The following WDR19 variants were observed in gnomAD, a reference collection of about 807,000 sequenced individuals.
WDR19 encodes the protein WD repeat-containing protein 19.
WDR19 carries 121 observed loss-of-function variants against 180.0 expected under a neutral mutation model. The ratio of observed to expected loss-of-function variants is 0.67; its 90% confidence interval spans 0.58 to 0.78. WDR19 has a LOEUF of 0.78. Ranked by LOEUF, WDR19 falls within the 30% of genes least tolerant of loss-of-function variation. WDR19 has a pLI of 0.00. For synonymous variants in WDR19, 497 were observed against 540.7 expected, an observed-to-expected ratio of 0.92 and a Z score of 1.12; for missense variants, 1,450 against 1,640.7, an observed-to-expected ratio of 0.88 and a Z score of 2.01.
chr4:39,231,960 AACAGC>A lies in WDR19; in HGVS notation c.2142+6_2142+10del. ...GATGTCCTTGGAACAAATAAAGGTA[AACAGC>A]ATGTTATAGAATTATCAAGTTAAAA... On this transcript the variant is annotated splice_donor_5th_base_variant and intron_variant, in intron 18 of 36. Transcript: ENST00000399820. 1.2e-6 allele frequency: 2 copies of A among 1,610,004 alleles called. No individual in the cohort carries two copies. Among genetic ancestry groups the A allele is most frequent in the Non-Finnish European group, 1.7e-6 (2 of 1,176,624 alleles).
chr4:39,220,892 T>G (rs1033342168), intron 14 of WDR19, among the ~76,000 whole-genome samples: 3 of 137,210 alleles, frequency 2.2e-5, no homozygotes, highest in African/African-American at 8.1e-5. Context: ...TTTTTTTTTT[T>G]TTTGATGGGG....
chr4:39,265,148 G>T (rs992076588), intron 28 of WDR19, among the ~76,000 whole-genome samples: 29 of 151,554 alleles, frequency 1.9e-4, no homozygotes, highest in African/African-American at 7.0e-4. Flanking sequence ...TGAACTCCTG[G>T]CCTCAAGTGA....
intron 3 of WDR19, among the ~76,000 whole-genome samples, chr4:39,188,555 G>A (rs931811267): frequency 1.3e-5 from 2 of 148,882 alleles, no homozygotes; most frequent in African/African-American, 5.0e-5. Context: ...GGAGTGTGAG[G>A]TTATAGCCAA....
intron 24 of WDR19, among the ~76,000 whole-genome samples, chr4:39,247,756 G>A (rs1006475281): frequency 1.3e-5 from 2 of 152,288 alleles, no homozygotes; most frequent in Admixed American, 6.5e-5. Context: ...GGGTATCAGC[G>A]ATGGAAGACG....
intron 6 of WDR19, among the ~76,000 whole-genome samples, chr4:39,202,541 CTG>C (rs763643728): frequency 4.4e-4 from 67 of 152,170 alleles, no homozygotes; most frequent in Non-Finnish European, 8.4e-4. Context: ...GTTGGTGAAA[CTG>C]TAGATAAAAT....
At chr4:39,184,183 G>T (rs1725271012) in intron 1 of WDR19, among the ~76,000 whole-genome samples, 1 of 152,076 alleles carries the variant, frequency 6.6e-6, no homozygotes, top group Admixed American at 6.5e-5. Context: ...GAGGCAGGTG[G>T]ATCACTTGAG....
intron 9 of WDR19, among the ~76,000 whole-genome samples, chr4:39,211,836 C>G (rs1369719898): frequency 6.6e-6 from 1 of 151,976 alleles, no homozygotes; most frequent in Non-Finnish European, 1.5e-5. Flanking sequence ...GATATCAGTT[C>G]CCCCAGGTTG....
intron 4 of WDR19, among the ~76,000 whole-genome samples, chr4:39,192,616 C>T (rs942579756): frequency 6.6e-6 from 1 of 152,098 alleles, no homozygotes; most frequent in African/African-American, 2.4e-5. Flanking sequence ...TGCCCACCAC[C>T]ACGCCCAGCT....
intron 31 of WDR19, among the ~76,000 whole-genome samples, chr4:39,270,478 C>CA (rs1435334510): frequency 6.6e-6 from 1 of 152,158 alleles, no homozygotes; most frequent in Non-Finnish European, 1.5e-5. Context: ...CAGGTTCAAG[C>CA]AATTCTTCTG....
In WDR19 at chr4:39,281,236, T is replaced by TAGAG. The variant is rs1553919999; in HGVS notation, c.*13+2597_*13+2600dup. Among the ~76,000 whole-genome samples the TAGAG allele has an allele frequency of 3.3e-3, 343 of 104,012 alleles. 2 individuals are homozygous for TAGAG. The highest frequency in any genetic ancestry group is 0.012 in the African/African-American group (225 of 19,340). The allele number at this position is 104,012 out of a possible 152,430, so 68.2% of individuals were successfully genotyped here. A position where few individuals can be genotyped will look rare whatever the true frequency, so the allele number is the denominator to read the frequency against. On this transcript the variant is annotated intron_variant, in intron 36 of 36. Coordinates refer to ENST00000399820, the MANE Select transcript of WDR19 (RefSeq NM_025132.4). ...GTGTGTATATATATATATATATATA[T>TAGAG]AGAGAGAGAGAGAGAGAGAGAGAGA...
At chr4:39,206,342 A>G (rs941323552) in intron 9 of WDR19, among the ~76,000 whole-genome samples, 3 of 152,158 alleles carry the variant, frequency 2.0e-5, no homozygotes, top group Non-Finnish European at 4.4e-5. Context: ...TCCCCATGGC[A>G]GTGGCAACAA....
intron 10 of WDR19, 90 bp downstream of exon 10, chr4:39,214,761 G>T: frequency 6.5e-6 from 5 of 766,104 alleles, no homozygotes; most frequent in Non-Finnish European, 1.1e-5. Flanking sequence ...TGCATTCGTT[G>T]TAGGAGGAAT....
chr4:39,279,655 C>T (rs896481), intron 36 of WDR19, among the ~76,000 whole-genome samples: 1 of 150,956 alleles, frequency 6.6e-6, no homozygotes, highest in Non-Finnish European at 1.5e-5. Context: ...CACAAGCGTT[C>T]GTCTCTCCAT....
At position 39,224,968 on chromosome 4, in the gene WDR19, C is replaced by G. The variant is rs1339914176; in HGVS notation, c.1564C>G (p.Pro522Ala). The stretch of plus-strand genomic sequence containing the variant: ...TCCTGTCAGTGTGAAAAAGATTTTT[C>G]CCGACCCAAATGGGACCAGATTAGT... ...RHPVSVKKIF[P>A]DPNGTRLVFI... Residue 522 changes from proline to alanine, a missense_variant, in exon 15 of 37, where the codon CCC (proline) becomes GCC (alanine). Pro to Ala is a conservative substitution (Grantham distance 27, BLOSUM62 -1). Coordinates refer to ENST00000399820, the MANE Select transcript of WDR19 (RefSeq NM_025132.4). 6.3e-7 allele frequency: 1 copy of G among 1,577,362 alleles called. No homozygotes were observed. The highest frequency in any genetic ancestry group is 8.6e-7 in the Non-Finnish European group (1 of 1,160,686).
At chr4:39,188,928 T>G (rs1725863782) in intron 3 of WDR19, among the ~76,000 whole-genome samples, 1 of 150,548 alleles carries the variant, frequency 6.6e-6, no homozygotes, top group African/African-American at 2.4e-5. Context: ...TTTTTTTTCT[T>G]TTTTTTTTGG....
intron 4 of WDR19, among the ~76,000 whole-genome samples, chr4:39,193,160 C>T: frequency 6.7e-6 from 1 of 148,966 alleles, no homozygotes. Flanking sequence ...AATTTTTTTT[C>T]TTTTCTTTTT....
At chr4:39,218,198 T>C in intron 14 of WDR19, 93 bp downstream of exon 14, 1 of 1,418,060 alleles carries the variant, frequency 7.1e-7, no homozygotes, top group Non-Finnish European at 9.6e-7. Context: ...GTCTTTTTTC[T>C]ATATTGAATC....
At position 39,214,711 on chromosome 4, in the gene WDR19, C is replaced by A. The variant is rs774644934; in HGVS notation, c.961+40C>A. 1.3e-5 allele frequency: 16 copies of A among 1,257,202 alleles called. No individual in the cohort carries two copies. The Admixed American group carries it at 2.8e-4, about 22-fold the overall frequency. 77.9% of individuals were successfully genotyped at this position (1,257,202 alleles called of 1,614,324 possible). A position where few individuals can be genotyped will look rare whatever the true frequency, so the allele number is the denominator to read the frequency against. ...GAAGCAGATTGACATTTTATCATTC[C>A]AGTTACAGAGAGTAAGGTTGTGTTT... On this transcript the variant is annotated intron_variant, in intron 10 of 36. Transcript: ENST00000399820.
At chr4:39,283,225 T>C (rs1736750066) in intron 36 of WDR19, among the ~76,000 whole-genome samples, 2 of 152,308 alleles carry the variant, frequency 1.3e-5, no homozygotes, top group African/African-American at 4.8e-5. Context: ...CTTTAATCCA[T>C]TTATATGGTA....
Sources: gnomAD v4.1 joint callset for allele counts (sites outside exome capture counted in the v4.1 genomes callset) on GRCh38, gnomAD v4.1.1 for gene constraint, MANE v1.5 for transcripts, NCBI Gene and HGNC (gene_info 2026-07-23, HGNC 2026-07-21) for gene names.